Variants in PRSS33 observed in about 807,000 individuals in gnomAD.
PRSS33 encodes protease, serine 33.
In PRSS33, 32 loss-of-function variants were observed where a neutral mutation model predicts 26.7. The observed-to-expected ratio is 1.20, with a 90% confidence interval of 0.90 to 1.61. PRSS33 has a LOEUF of 1.61. Ranked by LOEUF, PRSS33 falls within the 40% of genes most tolerant of loss-of-function variation. The pLI, the probability that PRSS33 is intolerant of heterozygous loss-of-function variation, is 0.00. For synonymous variants in PRSS33, 192 were observed against 177.6 expected (o/e 1.08, Z -0.64); for missense variants, 450 against 396.3 (o/e 1.14, Z -1.15).
Position 2,785,961 on chromosome 16 carries a change from G to T in PRSS33, c.80C>A (p.Ala27Asp). The T allele has an allele frequency of 6.2e-7, 1 of 1,612,922 alleles. No individual in the cohort carries two copies. Among genetic ancestry groups the T allele is most frequent in the Non-Finnish European group, 8.5e-7 (1 of 1,179,950 alleles). The change falls in exon 4 of 7, where the codon GCC (alanine) becomes GAC (aspartate). Residue 27 changes from alanine to aspartate, a missense_variant and splice_region_variant. Ala to Asp is a moderately radical substitution (Grantham distance 126, BLOSUM62 -2). Transcript: ENST00000682474. Reference sequence around the variant, plus strand: ...ACTGGACATGCGGGGCTGCCCGCAGGCTAGAAAAGGACCAGGGGCGGTGAG... The same window carrying T: ...ACTGGACATGCGGGGCTGCCCGCAGTCTAGAAAAGGACCAGGGGCGGTGAG... ...AAGTQGRKSA[A>D]CGQPRMSSRI...
Position 2,784,670 on chromosome 16 carries a change from A to G in PRSS33, c.817T>C (p.Trp273Arg). Residue 273 changes from tryptophan to arginine, a missense_variant, in exon 7 of 7, where the codon TGG becomes CGG. Physicochemically the swap from Trp to Arg is moderately radical, Grantham distance 101 (BLOSUM62 -3). Coordinates refer to ENST00000682474, the MANE Select transcript of PRSS33 (RefSeq NM_152891.3). ...TAGAAGCTGACGCGAGCCTGAATCC[A>G]GGGGCTATATGTGGCCACACTGGTG... ...VYTSVATYSP[W>R]IQARVSF 1 of 1,602,826 alleles carries G rather than the reference A, an allele frequency of 6.2e-7. No individual in the cohort carries two copies. The highest frequency in any genetic ancestry group is 8.5e-7 in the Non-Finnish European group (1 of 1,174,590).
At chr16:2,786,394 A>C in intron 2 of PRSS33, 108 bp downstream of exon 2, 1 of 1,324,860 alleles carries the variant, frequency 7.5e-7, no homozygotes, top group Non-Finnish European at 1.1e-6. Context: ...AATCAAGATT[A>C]GAAAGCCCAA....
chr16:2,785,098 G>A lies in PRSS33; in HGVS notation c.588C>T (p.Leu196=). ...PLLDSRTCDG[L]YHVGADVPQA... The stretch of plus-strand genomic sequence containing the variant: ...GGGGCACGTCCGCGCCCACGTGGTA[G>A]AGGCCGTCGCAGGTGCGCGAGTCCA... The change falls in exon 6 of 7, where the codon CTC becomes CTT. Residue 196 remains leucine, a synonymous_variant. Transcript: ENST00000682474. The A allele has an allele frequency of 6.4e-7, 1 of 1,554,346 alleles. No homozygotes were observed. The highest frequency in any genetic ancestry group is 8.7e-7 in the Non-Finnish European group (1 of 1,152,232).
In PRSS33 at chr16:2,784,749, C is replaced by T. The variant is rs2068852911; in HGVS notation, c.738G>A (p.Val246=). Residue 246 remains valine, a synonymous_variant, in exon 7 of 7, where the codon GTG becomes GTA. Coordinates refer to ENST00000682474, the MANE Select transcript of PRSS33 (RefSeq NM_152891.3). ...AACCCTTGCCCCAGCTCACCACGCC[C>T]ACCAGGACCCAGCTCCCAGACTGCA... The part of the protein sequence containing the change: ...TCLQSGSWVL[V]GVVSWGKGCA... The T allele has an allele frequency of 1.9e-6, 3 of 1,608,668 alleles. No homozygotes were observed. The highest frequency in any genetic ancestry group is 1.7e-6 in the Non-Finnish European group (2 of 1,177,850).
rs1159373727 is a variant in PRSS33 at position 2,785,175 on chromosome 16, G to C, written c.515-4C>G. 1 of 1,535,914 alleles carries C rather than the reference G, an allele frequency of 6.5e-7. No homozygotes were observed. The highest frequency in any genetic ancestry group is 1.2e-5 in the South Asian group (1 of 83,822). ...GGTCGCCACTCTGGGAGGGGCACTG[G>C]GGGAAGAGGAGGGACCTCTGAGAGG... On this transcript the variant is annotated splice_region_variant and splice_polypyrimidine_tract_variant and intron_variant, in intron 5 of 6. Coordinates refer to ENST00000682474, the MANE Select transcript of PRSS33 (RefSeq NM_152891.3).
At chr16:2,787,559 CTG>C (rs1442014163) in exon 1 of PRSS33, among the ~76,000 whole-genome samples, 4 of 148,158 alleles carry the variant, frequency 2.7e-5, no homozygotes, top group Non-Finnish European at 6.0e-5. Context: ...CTTCTGCTGA[CTG>C]GGGTTGAGGG....
intron 6 of PRSS33, 57 bp downstream of exon 6, chr16:2,784,945 G>T: frequency 6.4e-7 from 1 of 1,567,214 alleles, no homozygotes; most frequent in Non-Finnish European, 8.7e-7. Flanking sequence ...AGTTCAGGGA[G>T]GGAGGGTGCT....
At position 2,785,493 on chromosome 16, in the gene PRSS33, C is replaced by A; in HGVS notation, c.396G>T (p.Leu132=). 6.6e-7 allele frequency: 1 copy of A among 1,521,560 alleles called. No homozygotes were observed. 94.3% of individuals were successfully genotyped at this position (1,521,560 alleles called of 1,614,324 possible). ...GARGDLALLQ[L]RRPVPLSARV... ...GAGCGCTCAGGGGCACCGGGCGACGCAGCTGCAGCAGTGCCAGGTCGCCGC... is the reference window on the plus strand; with the variant it reads ...GAGCGCTCAGGGGCACCGGGCGACGAAGCTGCAGCAGTGCCAGGTCGCCGC... Residue 132 remains leucine, a synonymous_variant, in exon 5 of 7, where the codon CTG becomes CTT. Coordinates refer to ENST00000682474, the MANE Select transcript of PRSS33 (RefSeq NM_152891.3).
intron 1 of PRSS33, among the ~76,000 whole-genome samples, chr16:2,787,256 G>C (rs188231446): frequency 2.9e-3 from 4 of 1,394 alleles, no homozygotes; most frequent in South Asian, 0.028. Context: ...CCTCACCCCT[G>C]TCTCATCCTC....
chr16:2,786,025 GT>G, intron 3 of PRSS33, 63 bp downstream of exon 3: 1 of 1,611,792 alleles, frequency 6.2e-7, no homozygotes, highest in Non-Finnish European at 8.5e-7. Flanking sequence ...GCAGGTGTTG[GT>G]GGGGAGACAC....
chr16:2,787,711 G>C (rs1283147432), upstream of PRSS33, among the ~76,000 whole-genome samples: 2 of 151,934 alleles, frequency 1.3e-5, no homozygotes, highest in Non-Finnish European at 2.9e-5. Flanking sequence ...TGGCAGGAAA[G>C]GGTCAATGGG....
At chr16:2,785,192 T>A in intron 5 of PRSS33, 21 bp from the exon 6 acceptor site, 1 of 1,524,896 alleles carries the variant, frequency 6.6e-7, no homozygotes, top group Non-Finnish European at 8.8e-7. Context: ...AGGAGGGACC[T>A]CTGAGAGGAA....
intron 2 of PRSS33, 26 bp downstream of exon 2, chr16:2,786,476 C>T (rs1252750671): frequency 3.1e-6 from 5 of 1,612,956 alleles, no homozygotes; most frequent in Non-Finnish European, 4.2e-6. Context: ...CTGCGGCCCT[C>T]ACCCCCAGTC....
At position 2,786,604 on chromosome 16, in the gene PRSS33, T is replaced by C; in HGVS notation, c.-57A>G. 6.2e-7 allele frequency: 1 copy of C among 1,600,716 alleles called. No homozygotes were observed. The highest frequency in any genetic ancestry group is 8.5e-7 in the Non-Finnish European group (1 of 1,170,322). ...GCACTGCCTAGGGCTTGGACTCTGG[T>C]CTGGAGCCAGCAGGGAGAAGAGAGG... On this transcript the variant is annotated splice_region_variant and 5_prime_UTR_variant, in exon 2 of 7. Transcript: ENST00000682474.
At position 2,786,112 on chromosome 16, in the gene PRSS33, C is replaced by T; in HGVS notation, c.56G>A (p.Gly19Glu). Residue 19 changes from glycine to glutamate, a missense_variant, in exon 3 of 7, where the codon GGG (glycine) becomes GAG (glutamate). Coordinates refer to ENST00000682474, the MANE Select transcript of PRSS33 (RefSeq NM_152891.3). Reference sequence around the variant, plus strand: ...ACCTGCAGACTTCCTTCCCTGAGTCCCAGCAGCTCCTGGAGGAGGAAGCAG... The same window carrying T: ...ACCTGCAGACTTCCTTCCCTGAGTCTCAGCAGCTCCTGGAGGAGGAAGCAG... ...VLLLLVLGAA[G>E]TQGRKSAACG... 1 of 1,613,470 alleles carries T rather than the reference C, an allele frequency of 6.2e-7. No individual in the cohort carries two copies. Among genetic ancestry groups the T allele is most frequent in the African/African-American group, 1.3e-5 (1 of 75,004 alleles).
In PRSS33 at chr16:2,784,504, G is replaced by C. The variant is rs1428503971; in HGVS notation, c.*140C>G. 11 of 619,046 alleles carry C rather than the reference G, an allele frequency of 1.8e-5. No individual in the cohort carries two copies. The highest frequency in any genetic ancestry group is 2.6e-5 in the Non-Finnish European group (10 of 385,232). 38.3% of individuals were successfully genotyped at this position (619,046 alleles called of 1,614,324 possible). A position where few individuals can be genotyped will look rare whatever the true frequency, so the allele number is the denominator to read the frequency against. Reference sequence around the variant, plus strand: ...GGAGAGGAGGCAGGAGGTGGTGGGTGGGGGGTGGGGTGGCCTTTAGCTTTT... The same window carrying C: ...GGAGAGGAGGCAGGAGGTGGTGGGTCGGGGGTGGGGTGGCCTTTAGCTTTT... On this transcript the variant is annotated 3_prime_UTR_variant, in exon 7 of 7. Transcript: ENST00000682474.
chr16:2,785,248 G>A, intron 5 of PRSS33, 77 bp from the exon 6 acceptor site: 1 of 1,452,986 alleles, frequency 6.9e-7, no homozygotes, highest in Non-Finnish European at 9.2e-7. Flanking sequence ...CTGAGTGAGA[G>A]GAGGTTTTGT....
Position 2,784,731 on chromosome 16 carries a change from G to T in PRSS33, c.756C>A (p.Gly252=), listed in dbSNP as rs1296575854. 3.1e-6 allele frequency: 5 copies of T among 1,607,574 alleles called. No homozygotes were observed. The highest frequency in any genetic ancestry group is 4.2e-6 in the Non-Finnish European group (5 of 1,177,288). Residue 252 remains glycine, a synonymous_variant, in exon 7 of 7, where the codon GGC becomes GGA. Coordinates refer to ENST00000682474, the MANE Select transcript of PRSS33 (RefSeq NM_152891.3). ...GACGGTTGGGCAGGGCACAACCCTT[G>T]CCCCAGCTCACCACGCCCACCAGGA... ...SWVLVGVVSW[G]KGCALPNRPG... is the part of the protein sequence containing the mutation.
Position 2,785,611 on chromosome 16 carries a change from C to G in PRSS33, c.278G>C (p.Gly93Ala). The G allele has an allele frequency of 6.6e-7, 1 of 1,507,976 alleles. No individual in the cohort carries two copies. Among genetic ancestry groups the G allele is most frequent in the Non-Finnish European group, 8.8e-7 (1 of 1,136,114 alleles). 93.4% of individuals were successfully genotyped at this position (1,507,976 alleles called of 1,614,324 possible). A position where few individuals can be genotyped will look rare whatever the true frequency, so the allele number is the denominator to read the frequency against. Reference protein sequence around the residue: ...ALPAEYRVRLGALRLGSTSPR... With the variant: ...ALPAEYRVRLAALRLGSTSPR... Reference sequence around the variant, plus strand: ...CGAGGTGGAGCCCAGACGCAGCGCCCCCAGGCGCACGCGGTACTCAGCTGG... The same window carrying G: ...CGAGGTGGAGCCCAGACGCAGCGCCGCCAGGCGCACGCGGTACTCAGCTGG... The change falls in exon 5 of 7, where the codon GGG becomes GCG. Residue 93 changes from glycine to alanine, a missense_variant. By Grantham distance (60) the Gly-to-Ala change is moderately conservative (BLOSUM62 0). Coordinates refer to ENST00000682474, the MANE Select transcript of PRSS33 (RefSeq NM_152891.3).
Sources: allele counts gnomAD v4.1 joint callset (sites outside exome capture counted in the v4.1 genomes callset), GRCh38; gene constraint gnomAD v4.1.1; transcripts MANE v1.5; gene names NCBI Gene and HGNC (gene_info 2026-07-23, HGNC 2026-07-21).